PDZD8: variants seen among roughly 807,000 people sequenced by gnomAD.
PDZD8 encodes PDZ domain containing 8.
A neutral mutation model predicts 85.8 loss-of-function variants in PDZD8; 14 were observed. That is an observed-to-expected ratio of 0.16 (90% CI 0.11 to 0.26). The LOEUF is 0.26. PDZD8 is among the 10% of genes least tolerant of loss of function. PDZD8 has a pLI of 1.00. For missense variants in PDZD8, 1,197 were observed against 1,424.3 expected (o/e 0.84, Z 2.57); for synonymous variants, 592 against 568.6 (o/e 1.04, Z -0.59).
At position 117,281,264 on chromosome 10, in the gene PDZD8, GA is replaced by G. The variant is rs1844571813; in HGVS notation, c.*2003del. The G allele has an allele frequency of 6.8e-6, 1 of 148,030 alleles. No homozygotes were observed. The highest frequency in any genetic ancestry group is 2.0e-4 in the East Asian group (1 of 4,970). The allele number at this position is 148,030 out of a possible 1,614,324, so 9.2% of individuals were successfully genotyped here. On this transcript the variant is annotated 3_prime_UTR_variant, in exon 5 of 5. Transcript: ENST00000334464. ...AGCTACTCCGGAGGCTGAGGCAGGA[GA>G]ATGGCGTGAACCTGGGAGGCGGAGC...
chr10:117,296,421 A>T (rs1030561705), intron 3 of PDZD8, among the ~76,000 whole-genome samples: 7 of 152,130 alleles, frequency 4.6e-5, no homozygotes, highest in Non-Finnish European at 1.0e-4. Flanking sequence ...TTGAGATGAC[A>T]GTTCTTCCCA....
intron 3 of PDZD8, among the ~76,000 whole-genome samples, chr10:117,292,653 G>A (rs551409068): frequency 4.6e-5 from 7 of 151,408 alleles, no homozygotes; most frequent in Admixed American, 2.0e-4. Flanking sequence ...GAAGTGAATA[G>A]AGGCTAGTGT....
chr10:117,342,830 C>T (rs1589579623), intron 1 of PDZD8, among the ~76,000 whole-genome samples: 1 of 152,296 alleles, frequency 6.6e-6, no homozygotes, highest in East Asian at 1.9e-4. Flanking sequence ...TTAATATAAA[C>T]ATTCCAATCT....
At chr10:117,357,972 C>T (rs1355544009) in intron 1 of PDZD8, among the ~76,000 whole-genome samples, 1 of 151,886 alleles carries the variant, frequency 6.6e-6, no homozygotes, top group Non-Finnish European at 1.5e-5. Context: ...TCAAAATAAT[C>T]TATGGGATTA....
intron 3 of PDZD8, among the ~76,000 whole-genome samples, chr10:117,318,036 AG>A (rs1844159944): frequency 1.3e-5 from 2 of 152,194 alleles, no homozygotes; most frequent in South Asian, 4.1e-4. Flanking sequence ...TAAATAAATC[AG>A]AAACAATTTA....
intron 2 of PDZD8, among the ~76,000 whole-genome samples, chr10:117,324,278 A>C (rs2133818873): frequency 6.6e-6 from 1 of 151,812 alleles, no homozygotes; most frequent in East Asian, 1.9e-4. Flanking sequence ...ATCATAGCAG[A>C]ACATTTCAAG....
chr10:117,284,962 C>T lies in PDZD8; in HGVS notation c.1771G>A (p.Val591Met). Residue 591 changes from valine (V) to methionine (M), a missense_variant, in exon 5 of 5, where the codon GTG (valine) becomes ATG (methionine). Val to Met is a conservative substitution (Grantham distance 21). Transcript: ENST00000334464. ...ACTTTCGCTTGTGGTCGTGGTGGCA[C>T]AGGTGGTTTGAAAGCAGATCCTTGG... ...PTQGSAFKPP[V>M]PPRPQAKVPL... is the part of the protein sequence containing the mutation. 6.2e-7 allele frequency: 1 copy of T among 1,614,100 alleles called. No individual in the cohort carries two copies. Among genetic ancestry groups the T allele is most frequent in the Non-Finnish European group, 8.5e-7 (1 of 1,180,008 alleles).
intron 3 of PDZD8, among the ~76,000 whole-genome samples, chr10:117,296,603 G>T (rs926759385): frequency 6.6e-6 from 1 of 152,050 alleles, no homozygotes; most frequent in East Asian, 1.9e-4. Flanking sequence ...CGTGGTATTG[G>T]TCTAATGACA....
In PDZD8 at chr10:117,285,309, T is replaced by C. The variant is rs777898714; in HGVS notation, c.1424A>G (p.Gln475Arg). ...LEENFLSSSC[Q>R]SGYEEEAAGL... ...GGCAGCTTCCTCTTCATAACCCGAT[T>C]GGCATGAGCTTGACAAAAAGTTTTC... Residue 475 changes from glutamine (Q) to arginine (R), a missense_variant, in exon 5 of 5, where the codon CAA becomes CGA. Physicochemically the swap from Gln to Arg is conservative, Grantham distance 43. Coordinates refer to ENST00000334464, the MANE Select transcript of PDZD8 (RefSeq NM_173791.5). The C allele has an allele frequency of 5.6e-6, 9 of 1,614,162 alleles. 1 individual carries two copies. In the South Asian group the frequency reaches 9.9e-5, roughly 18 times the overall value.
chr10:117,312,234 T>C (rs1844051308), intron 3 of PDZD8, among the ~76,000 whole-genome samples: 1 of 151,882 alleles, frequency 6.6e-6, no homozygotes, highest in Admixed American at 6.6e-5. Context: ...CATGGCTGTG[T>C]AGAGGACAGA....
chr10:117,290,887 T>TTTGA (rs1844748357), intron 3 of PDZD8, among the ~76,000 whole-genome samples: 1 of 141,958 alleles, frequency 7.0e-6, no homozygotes, highest in South Asian at 2.2e-4. Context: ...TTTTTTTTTT[T>TTTGA]GAGACAGGGT....
At chr10:117,348,544 G>A (rs1564708541) in intron 1 of PDZD8, among the ~76,000 whole-genome samples, 1 of 152,146 alleles carries the variant, frequency 6.6e-6, no homozygotes, top group Non-Finnish European at 1.5e-5. Flanking sequence ...GACAGGGTTG[G>A]GTTTTGGTGA....
At chr10:117,294,498 ATTGGG>A (rs1843723724) in intron 3 of PDZD8, among the ~76,000 whole-genome samples, 1 of 152,170 alleles carries the variant, frequency 6.6e-6, no homozygotes, top group Non-Finnish European at 1.5e-5. Context: ...TAATCCCACT[ATTGGG>A]TATATAGTCA....
intron 1 of PDZD8, among the ~76,000 whole-genome samples, chr10:117,348,995 A>G (rs1286788122): frequency 6.6e-6 from 1 of 152,232 alleles, no homozygotes; most frequent in Non-Finnish European, 1.5e-5. Context: ...AGAATCGCAA[A>G]TCATTTTCTC....
intron 1 of PDZD8, among the ~76,000 whole-genome samples, chr10:117,364,187 T>TGG (rs1845046238): frequency 6.7e-6 from 1 of 149,732 alleles, no homozygotes; most frequent in Admixed American, 6.7e-5. Flanking sequence ...TATGGGTGTG[T>TGG]GTGTGTGTGT....
At chr10:117,329,507 G>A (rs970597308) in intron 2 of PDZD8, among the ~76,000 whole-genome samples, 8 of 152,096 alleles carry the variant, frequency 5.3e-5, no homozygotes, top group Non-Finnish European at 8.8e-5. Flanking sequence ...TGGCGATGAC[G>A]TTGAGCAGTA....
intron 2 of PDZD8, among the ~76,000 whole-genome samples, chr10:117,325,602 C>G (rs1311454372): frequency 6.6e-6 from 1 of 151,722 alleles, no homozygotes; most frequent in Admixed American, 6.6e-5. Flanking sequence ...GGGGTTCCGC[C>G]ATATTGGCCA....
At chr10:117,303,665 G>C (rs1276373925) in intron 3 of PDZD8, among the ~76,000 whole-genome samples, 1 of 152,206 alleles carries the variant, frequency 6.6e-6, no homozygotes, top group Non-Finnish European at 1.5e-5. Context: ...GTGGTTTCAT[G>C]GGCTGGGCCC....
Position 117,278,422 on chromosome 10 carries a change from A to G in PDZD8, c.*4846T>C, listed in dbSNP as rs569809192. 106 of 152,294 alleles carry G rather than the reference A, an allele frequency of 7.0e-4. No homozygotes were observed. The highest frequency in any genetic ancestry group is 2.5e-3 in the African/African-American group (102 of 41,578). The allele number at this position is 152,294 out of a possible 1,614,324, so 9.4% of individuals were successfully genotyped here. A position where few individuals can be genotyped will look rare whatever the true frequency, so the allele number is the denominator to read the frequency against. ...ACATCTAAAAATGTATGTGCTAACT[A>G]TATCATCCAGTGTGCAGTGTTGTGT... On this transcript the variant is annotated 3_prime_UTR_variant, in exon 5 of 5. Coordinates refer to ENST00000334464, the MANE Select transcript of PDZD8 (RefSeq NM_173791.5).
Sources: allele counts gnomAD v4.1 joint callset (sites outside exome capture counted in the v4.1 genomes callset), GRCh38; gene constraint gnomAD v4.1.1; transcripts MANE v1.5; gene names NCBI Gene and HGNC (gene_info 2026-07-23, HGNC 2026-07-21).